The following DENND4A variants were observed in gnomAD, a reference collection of about 807,000 sequenced individuals.
DENND4A encodes DENN domain containing 4A.
A neutral mutation model predicts 199.3 loss-of-function variants in DENND4A; 70 were observed. The observed-to-expected ratio is 0.35, with a 90% confidence interval of 0.29 to 0.43. The LOEUF is 0.43. Among genes scored for constraint, DENND4A ranks in the 20% least tolerant of loss-of-function variants. The pLI is 1.00. For synonymous variants in DENND4A, 686 were observed against 766.9 expected (o/e 0.89, Z 1.74); for missense variants, 1,723 against 2,255.8 (o/e 0.76, Z 4.78).
At chr15:65,689,983 C>G (rs534651104) in intron 23 of DENND4A, among the ~76,000 whole-genome samples, 2 of 152,304 alleles carry the variant, frequency 1.3e-5, no homozygotes, top group South Asian at 4.1e-4. Context: ...GATACTTTCT[C>G]TATTTCATCT....
At chr15:65,740,515 G>T (rs1045464014) in intron 5 of DENND4A, among the ~76,000 whole-genome samples, 1 of 151,044 alleles carries the variant, frequency 6.6e-6, no homozygotes, top group African/African-American at 2.4e-5. Context: ...GGTAGTCTCA[G>T]CTACTTGGGA....
chr15:65,667,477 G>C lies in DENND4A; in HGVS notation c.5213C>G (p.Ser1738Cys). Residue 1738 changes from serine (S) to cysteine (C), a missense_variant, in exon 29 of 33, where the codon TCT becomes TGT. By Grantham distance (112) the Ser-to-Cys change is moderately radical. Transcript: ENST00000443035. Reference sequence around the variant, plus strand: ...TGAATACTTGTTACAGTGCTCAGAAGAAAGAATCAATCCAGGTAAGTTACT... The same window carrying C: ...TGAATACTTGTTACAGTGCTCAGAACAAAGAATCAATCCAGGTAAGTTACT... ...LPSNLPGLILSSEHCNKYSKI... is the reference protein window; with the variant it reads ...LPSNLPGLILCSEHCNKYSKI... 2.5e-6 allele frequency: 4 copies of C among 1,613,994 alleles called. No individual in the cohort carries two copies. The highest frequency in any genetic ancestry group is 3.4e-6 in the Non-Finnish European group (4 of 1,179,880).
chr15:65,729,690 A>G lies in DENND4A; in HGVS notation c.1167-12T>C, dbSNP rs2075902452. On this transcript the variant is annotated splice_polypyrimidine_tract_variant and intron_variant, in intron 9 of 32. Coordinates refer to ENST00000443035, the MANE Select transcript of DENND4A (RefSeq NM_001320835.1). ...AAAACTTGCCACCACTGTCAATCCA[A>G]ACAAAAATATATAATTAAAAAATAA... 6.5e-7 allele frequency: 1 copy of G among 1,541,862 alleles called. No homozygotes were observed. The highest frequency in any genetic ancestry group is 8.7e-7 in the Non-Finnish European group (1 of 1,143,964).
intron 3 of DENND4A, among the ~76,000 whole-genome samples, chr15:65,753,570 G>A (rs1299663124): frequency 1.3e-5 from 2 of 152,094 alleles, no homozygotes; most frequent in Non-Finnish European, 2.9e-5. Flanking sequence ...TGTTGGCCAG[G>A]CTGATCTCGA....
At chr15:65,774,598 G>T (rs2077226922) in intron 1 of DENND4A, among the ~76,000 whole-genome samples, 1 of 151,574 alleles carries the variant, frequency 6.6e-6, no homozygotes, top group Non-Finnish European at 1.5e-5. Context: ...AACCTGGGAG[G>T]CAGAGGTTGC....
At chr15:65,713,561 GCTTCT>G (rs1343984932) in intron 14 of DENND4A, among the ~76,000 whole-genome samples, 2 of 152,184 alleles carry the variant, frequency 1.3e-5, no homozygotes, top group Non-Finnish European at 2.9e-5. Flanking sequence ...GTAAGATCCT[GCTTCT>G]CAGATGACTT....
At position 65,669,935 on chromosome 15, in the gene DENND4A, G is replaced by A. The variant is rs1046467985; in HGVS notation, c.4641-10C>T. 1 of 1,611,662 alleles carries A rather than the reference G, an allele frequency of 6.2e-7. No individual in the cohort carries two copies. Among genetic ancestry groups the A allele is most frequent in the South Asian group, 1.1e-5 (1 of 90,868 alleles). On this transcript the variant is annotated splice_polypyrimidine_tract_variant and intron_variant, in intron 26 of 32. Transcript: ENST00000443035. ...TGACTTTAGAAAGTATCTGTAATGTGAATCGAAGGAACTTTTTGAGAAAAG... is the reference window on the plus strand; with the variant it reads ...TGACTTTAGAAAGTATCTGTAATGTAAATCGAAGGAACTTTTTGAGAAAAG...
intron 15 of DENND4A, among the ~76,000 whole-genome samples, chr15:65,705,798 A>G (rs1386676442): frequency 6.6e-6 from 1 of 152,164 alleles, no homozygotes; most frequent in African/African-American, 2.4e-5. Flanking sequence ...TCAAAATTCT[A>G]GTGCTGCATT....
At chr15:65,705,628 A>T (rs192649594) in intron 15 of DENND4A, among the ~76,000 whole-genome samples, 2 of 152,330 alleles carry the variant, frequency 1.3e-5, no homozygotes, top group East Asian at 3.9e-4. Flanking sequence ...TCATGAAAAA[A>T]ATTAGTAACT....
intron 14 of DENND4A, among the ~76,000 whole-genome samples, chr15:65,707,501 A>G (rs2075101070): frequency 1.3e-5 from 2 of 152,164 alleles, no homozygotes; most frequent in Non-Finnish European, 2.9e-5. Flanking sequence ...TATATAAATT[A>G]TTGATTATAA....
At chr15:65,761,974 T>C (rs1479839694) in intron 1 of DENND4A, among the ~76,000 whole-genome samples, 5 of 152,216 alleles carry the variant, frequency 3.3e-5, no homozygotes, top group African/African-American at 1.2e-4. Context: ...TCCACATCCA[T>C]ACCATGGATT....
At chr15:65,663,196 A>T (rs199886719) in intron 32 of DENND4A, among the ~76,000 whole-genome samples, 11,683 of 116,366 alleles carry the variant, frequency 0.1, 722 homozygotes, top group African/African-American at 0.19. Flanking sequence ...ATATATATAT[A>T]TATTTTTTTT....
chr15:65,660,234 CTAACTGA>C lies in DENND4A; in HGVS notation c.*1610_*1616del. 6.8e-7 allele frequency: 1 copy of C among 1,479,698 alleles called. No individual in the cohort carries two copies. Among genetic ancestry groups the C allele is most frequent in the South Asian group, 1.2e-5 (1 of 82,818 alleles). 91.7% of individuals were successfully genotyped at this position (1,479,698 alleles called of 1,614,324 possible). A position where few individuals can be genotyped will look rare whatever the true frequency, so the allele number is the denominator to read the frequency against. The stretch of plus-strand genomic sequence containing the variant: ...TCAAGTAAGCAAGTTCAGCCCCAAA[CTAACTGA>C]AGTTTTACATTTTTAAACTCTCTCC... On this transcript the variant is annotated 3_prime_UTR_variant, in exon 33 of 33. Transcript: ENST00000443035.
At chr15:65,780,963 T>C (rs745574456) in intron 1 of DENND4A, among the ~76,000 whole-genome samples, 3 of 152,174 alleles carry the variant, frequency 2.0e-5, no homozygotes, top group African/African-American at 2.4e-5. Flanking sequence ...AGCTATAACA[T>C]AGTTACCAAT....
chr15:65,742,675 G>A (rs1278167805), intron 4 of DENND4A, among the ~76,000 whole-genome samples: 1 of 152,204 alleles, frequency 6.6e-6, no homozygotes, highest in South Asian at 2.1e-4. Flanking sequence ...CTGACCTCAG[G>A]TGATCTGTCC....
chr15:65,723,109 A>G (rs2075696727), intron 11 of DENND4A, among the ~76,000 whole-genome samples, 161 bp from the exon 12 acceptor site: 1 of 152,214 alleles, frequency 6.6e-6, no homozygotes, highest in African/African-American at 2.4e-5. Flanking sequence ...ACAGGGGTAA[A>G]TTGGCATGTT....
At chr15:65,664,851 T>C (rs1458838770) in intron 30 of DENND4A, 129 bp from the exon 31 acceptor site, 2 of 798,444 alleles carry the variant, frequency 2.5e-6, no homozygotes, top group Non-Finnish European at 3.7e-6. Context: ...GATAAAGAAA[T>C]AGGAATCCAA....
intron 23 of DENND4A, among the ~76,000 whole-genome samples, chr15:65,683,042 A>C (rs560097259): frequency 6.6e-6 from 1 of 152,340 alleles, no homozygotes; most frequent in African/African-American, 2.4e-5. Context: ...AAATATTGCA[A>C]GAATTACCAA....
At chr15:65,722,645 A>G (rs2075682511) in intron 12 of DENND4A, among the ~76,000 whole-genome samples, 1 of 144,938 alleles carries the variant, frequency 6.9e-6, no homozygotes, top group Non-Finnish European at 1.5e-5. Flanking sequence ...ACAGAGCGAG[A>G]CTCCGTCTCG....
Sources: gnomAD v4.1 joint callset for allele counts (sites outside exome capture counted in the v4.1 genomes callset) on GRCh38, gnomAD v4.1.1 for gene constraint, MANE v1.5 for transcripts, NCBI Gene and HGNC (gene_info 2026-07-23, HGNC 2026-07-21) for gene names.